Variants in TMEM185A observed in about 807,000 individuals in gnomAD.
The protein encoded by TMEM185A is transmembrane protein 185A.
A neutral mutation model predicts 25.0 loss-of-function variants in TMEM185A; 9 were observed. The observed-to-expected ratio is 0.36, with a 90% CI of 0.22 to 0.63. The LOEUF (loss-of-function observed/expected upper bound fraction) is 0.63. TMEM185A is among the 20% of genes least tolerant of loss of function. TMEM185A has a pLI of 0.68. For missense variants in TMEM185A, 103 were observed against 237.4 expected, an observed-to-expected ratio of 0.43 and a Z score of 3.72; for synonymous variants, 45 against 93.5, an observed-to-expected ratio of 0.48 and a Z score of 2.99.
intron 1 of TMEM185A, 35 bp from the exon 2 acceptor site, chrX:149,611,498 C>T: frequency 2.6e-6 from 3 of 1,144,799 alleles, no homozygotes; most frequent in Non-Finnish European, 3.5e-6. Flanking sequence ...GAAGGATTCA[C>T]TTTTACAAAT....
intron 1 of TMEM185A, among the ~76,000 whole-genome samples, chrX:149,614,171 T>A (rs1459936504): frequency 5.4e-5 from 6 of 111,557 alleles, no homozygotes; most frequent in African/African-American, 2.0e-4. Flanking sequence ...TAGATTGAAT[T>A]CTGGGCCATA....
chrX:149,620,745 G>A (rs915938843), intron 1 of TMEM185A, among the ~76,000 whole-genome samples: 6 of 112,127 alleles, frequency 5.4e-5, no homozygotes, highest in South Asian at 3.7e-4. Flanking sequence ...GATAACCAGC[G>A]TACTCAATAC....
chrX:149,602,365 ATAGTTT>A (rs1487411597), intron 4 of TMEM185A: 4 of 112,537 alleles, frequency 3.6e-5, no homozygotes, highest in Non-Finnish European at 7.5e-5. Context: ...TAACAGATCT[ATAGTTT>A]TACATTTTCT....
chrX:149,599,200 G>T (rs2124194765), intron 6 of TMEM185A, among the ~76,000 whole-genome samples: 1 of 97,232 alleles, frequency 1.0e-5, no homozygotes, highest in South Asian at 4.3e-4. Context: ...GGTTTGGGTG[G>T]GAGATGTGGA....
chrX:149,622,731 G>GT (rs2090145352), intron 1 of TMEM185A, among the ~76,000 whole-genome samples: 1 of 110,717 alleles, frequency 9.0e-6, no homozygotes, highest in Admixed American at 9.5e-5. Flanking sequence ...GGGAGATGAT[G>GT]TATCAACAAG....
intron 1 of TMEM185A, among the ~76,000 whole-genome samples, chrX:149,629,722 T>G (rs1397360530): frequency 5.4e-5 from 6 of 112,124 alleles, no homozygotes; most frequent in Non-Finnish European, 7.5e-5. Context: ...CTAATTTTTT[T>G]GGGGGGAAAA....
Position 149,611,274 on chromosome X carries a change from A to G in TMEM185A, c.215+13T>C. ...CATGCTAGAGACCAATGGGTTGTAT[A>G]AAGCAGTATTACCGATATTGAGGAT... On this transcript the variant is annotated intron_variant, in intron 2 of 6. Coordinates refer to ENST00000600449, the MANE Select transcript of TMEM185A (RefSeq NM_032508.4). 8.3e-7 allele frequency: 1 copy of G among 1,200,503 alleles called. No individual in the cohort carries two copies. The highest frequency in any genetic ancestry group is 1.1e-6 in the Non-Finnish European group (1 of 890,002).
intron 1 of TMEM185A, among the ~76,000 whole-genome samples, chrX:149,628,325 A>G (rs942686568): frequency 8.9e-6 from 1 of 111,777 alleles, no homozygotes; most frequent in Non-Finnish European, 1.9e-5. Flanking sequence ...ACCACCTACA[A>G]TGCCTCAGAA....
intron 1 of TMEM185A, among the ~76,000 whole-genome samples, chrX:149,616,434 G>GT (rs1173766718): frequency 8.9e-6 from 1 of 111,810 alleles, no homozygotes; most frequent in Non-Finnish European, 1.9e-5. Context: ...TCTATTACTT[G>GT]TTTTTTTCCA....
intron 1 of TMEM185A, among the ~76,000 whole-genome samples, chrX:149,630,909 C>A (rs1409939999): frequency 8.9e-6 from 1 of 111,743 alleles, no homozygotes; most frequent in African/African-American, 3.3e-5. Flanking sequence ...GCAATATCTA[C>A]TTCCTGCAAA....
intron 1 of TMEM185A, among the ~76,000 whole-genome samples, chrX:149,629,687 A>C (rs1252680519): frequency 1.8e-5 from 2 of 112,384 alleles, no homozygotes; most frequent in Non-Finnish European, 3.8e-5. Flanking sequence ...CTTAGATACC[A>C]GGTATTTCAC....
chrX:149,625,987 G>A (rs1458401916), intron 1 of TMEM185A, among the ~76,000 whole-genome samples: 2 of 112,277 alleles, frequency 1.8e-5, no homozygotes, highest in Admixed American at 9.4e-5. Flanking sequence ...CTATGGCATG[G>A]CACGCAGGAA....
In TMEM185A at chrX:149,631,736, C is replaced by CGCCGCA; in HGVS notation, c.-157_-156insTGCGGC. 1.5e-4 allele frequency: 1 copy of CGCCGCA among 6,671 alleles called. No individual in the cohort carries two copies. Among genetic ancestry groups the CGCCGCA allele is most frequent in the Non-Finnish European group, 2.6e-4 (1 of 3,807 alleles). 0.5% of individuals were successfully genotyped at this position (6,671 alleles called of 1,213,427 possible). On this transcript the variant is annotated 5_prime_UTR_variant, in exon 1 of 7. Coordinates refer to ENST00000600449, the MANE Select transcript of TMEM185A (RefSeq NM_032508.4). ...TCCCCGCTGCCGTCGCCGTCGCCGT[C>CGCCGCA]GCCGCCGCCGCCGCCGCCGCCGCCG...
chrX:149,615,590 G>A (rs1557354966), intron 1 of TMEM185A, among the ~76,000 whole-genome samples: 1 of 111,835 alleles, frequency 8.9e-6, no homozygotes, highest in East Asian at 2.8e-4. Flanking sequence ...GATCTAGTAA[G>A]TGAATTTAAC....
At chrX:149,605,177 G>C (rs1215941134) in intron 3 of TMEM185A, 2 of 112,919 alleles carry the variant, frequency 1.8e-5, no homozygotes, top group Non-Finnish European at 3.7e-5. Flanking sequence ...GCTGTGCATA[G>C]GCCACTCGGC....
chrX:149,623,610 T>A (rs1602882641), intron 1 of TMEM185A, among the ~76,000 whole-genome samples: 2 of 93,876 alleles, frequency 2.1e-5, no homozygotes, highest in African/African-American at 4.4e-5. Context: ...TAAGTAAAAG[T>A]AGAAAACAAA....
At position 149,631,536 on chromosome X, in the gene TMEM185A, G is replaced by C. The variant is rs2124247888; in HGVS notation, c.38+7C>G. On this transcript the variant is annotated splice_region_variant and intron_variant, in intron 1 of 6. Transcript: ENST00000600449. ...GACTCCCGGGGGCGCCAACGACGCC[G>C]CCTCACCTCGGGTTGAAGTCCTGGA... 6 of 1,164,626 alleles carry C rather than the reference G, an allele frequency of 5.2e-6. No individual in the cohort carries two copies. The highest frequency in any genetic ancestry group is 6.9e-6 in the Non-Finnish European group (6 of 871,781).
chrX:149,624,325 A>T (rs1557355817), intron 1 of TMEM185A, among the ~76,000 whole-genome samples: 1 of 112,067 alleles, frequency 8.9e-6, no homozygotes, highest in East Asian at 2.8e-4. Context: ...CCCTCTCTCC[A>T]CTTTGCAGGG....
intron 1 of TMEM185A, among the ~76,000 whole-genome samples, chrX:149,629,688 G>C (rs1225778235): frequency 2.7e-5 from 3 of 112,075 alleles, no homozygotes; most frequent in Admixed American, 9.4e-5. Context: ...TTAGATACCA[G>C]GTATTTCACT....
Sources: gnomAD v4.1 joint callset for allele counts (sites outside exome capture counted in the v4.1 genomes callset) on GRCh38, gnomAD v4.1.1 for gene constraint, MANE v1.5 for transcripts, NCBI Gene and HGNC (gene_info 2026-07-23, HGNC 2026-07-21) for gene names.